BPIFB6: variants seen among roughly 807,000 people sequenced by gnomAD.
BPIFB6 encodes the protein BPI fold-containing family B member 6.
In BPIFB6, 47 loss-of-function variants were observed where a neutral mutation model predicts 54.7. That is an observed-to-expected ratio of 0.86 (90% confidence interval 0.68 to 1.10). The LOEUF (loss-of-function observed/expected upper bound fraction) is 1.10. Among genes scored for constraint, BPIFB6 ranks in the 50% least tolerant of loss-of-function variants. BPIFB6 has a pLI of 0.00. For synonymous variants in BPIFB6, 255 were observed against 225.9 expected, an observed-to-expected ratio of 1.13 and a Z score of -1.16; for missense variants, 603 against 564.1, an observed-to-expected ratio of 1.07 and a Z score of -0.70.
At chr20:33,033,244 G>A (rs1979182260) in intron 2 of BPIFB6, 161 bp downstream of exon 2, 2 of 694,922 alleles carry the variant, frequency 2.9e-6, no homozygotes, top group Admixed American at 4.1e-5. Flanking sequence ...GTAGGTCACT[G>A]CTCCTGCCTG....
chr20:33,042,122 G>C, intron 12 of BPIFB6, 107 bp downstream of exon 12: 2 of 1,179,656 alleles, frequency 1.7e-6, no homozygotes, highest in Non-Finnish European at 2.5e-6. Context: ...GATGAACAGA[G>C]CAAGGCCACT....
At chr20:33,037,072 A>C (rs141444876) in intron 7 of BPIFB6, among the ~76,000 whole-genome samples, 18 of 152,232 alleles carry the variant, frequency 1.2e-4, no homozygotes, top group African/African-American at 3.4e-4. Context: ...AGGGTCCTGC[A>C]GTGAGTTGGT....
rs1424626187 is a variant in BPIFB6, at chr20:33,035,251, C to T, written c.516+107C>T. ...GCTGACCCTGATTGACTGATAGTGG[C>T]TGGGAAGGGTTCTGAGACTGTGGCT... On this transcript the variant is annotated intron_variant, in intron 5 of 14. Transcript: ENST00000349552. The T allele has an allele frequency of 4.2e-6, 5 of 1,184,104 alleles. No homozygotes were observed. In the African/African-American group the frequency reaches 7.5e-5, roughly 18 times the overall value. 73.3% of individuals were successfully genotyped at this position (1,184,104 alleles called of 1,614,324 possible). A position where few individuals can be genotyped will look rare whatever the true frequency, so the allele number is the denominator to read the frequency against.
rs1600525267 is a variant in BPIFB6, at chr20:33,037,502, C to T, written c.670-60C>T. The T allele has an allele frequency of 7.3e-6, 11 of 1,512,430 alleles. No individual in the cohort carries two copies. The East Asian group carries it at 9.1e-5, about 13-fold the overall frequency. The allele number at this position is 1,512,430 out of a possible 1,614,324, so 93.7% of individuals were successfully genotyped here. ...GCCCCATTTGCTTGGAGGACTGAGACACTCCTGGCCAACATCCCTCTCGGC... is the reference window on the plus strand; with the variant it reads ...GCCCCATTTGCTTGGAGGACTGAGATACTCCTGGCCAACATCCCTCTCGGC... On this transcript the variant is annotated intron_variant, in intron 7 of 14. Transcript: ENST00000349552.
rs1180058598 is a variant in BPIFB6, at chr20:33,039,331, GTTCTGGT to G, written c.901-10_901-4del. On this transcript the variant is annotated splice_polypyrimidine_tract_variant and intron_variant, in intron 9 of 14. Transcript: ENST00000349552. The stretch of plus-strand genomic sequence containing the variant: ...TCTAAGGACTGGCCCTGAGTGAAGT[GTTCTGGT>G]TTCTGTAGGTGGCTGTAGCTTATCC... 3 of 1,601,488 alleles carry G rather than the reference GTTCTGGT, an allele frequency of 1.9e-6. No individual in the cohort carries two copies. Among genetic ancestry groups the G allele is most frequent in the Admixed American group, 1.7e-5 (1 of 57,324 alleles).
At chr20:33,035,723 G>C (rs372477634) in intron 6 of BPIFB6, 51 bp downstream of exon 6, 328 of 1,550,198 alleles carry the variant, frequency 2.1e-4, no homozygotes, top group Non-Finnish European at 2.6e-4. Context: ...TATCAGGATA[G>C]ATAGACTTTG....
chr20:33,035,537 C>T (rs1439621582), intron 5 of BPIFB6, 75 bp from the exon 6 acceptor site: 15 of 1,487,680 alleles, frequency 1.0e-5, no homozygotes, highest in Admixed American at 3.3e-5. Context: ...TGGGATGGCC[C>T]GTGGTGTACC....
At position 33,037,654 on chromosome 20, in the gene BPIFB6, G is replaced by T. The variant is rs201425357; in HGVS notation, c.762G>T (p.Ser254=). The change falls in exon 8 of 15, where the codon TCG becomes TCT. Residue 254 remains serine, a synonymous_variant. Coordinates refer to ENST00000349552, the MANE Select transcript of BPIFB6 (RefSeq NM_174897.2). Reference sequence around the variant, plus strand: ...CTGAGGGTTATGCCAAAGGCTCGTCGCAGCTGCTGCTCCCAGCCACCTTCC... The same window carrying T: ...CTGAGGGTTATGCCAAAGGCTCGTCTCAGCTGCTGCTCCCAGCCACCTTCC... ...TFPEGYAKGS[S]QLLLPATFLS... is the part of the protein sequence containing the mutation. The T allele has an allele frequency of 3.1e-6, 5 of 1,613,996 alleles. No individual in the cohort carries two copies. In the East Asian group the frequency reaches 6.7e-5, roughly 22 times the overall value.
intron 1 of BPIFB6, 46 bp downstream of exon 1, chr20:33,031,790 G>C: frequency 6.5e-7 from 1 of 1,542,914 alleles, no homozygotes; most frequent in Non-Finnish European, 8.9e-7. Flanking sequence ...GGCGGTGCTT[G>C]GGGTAGGTGG....
At position 33,041,986 on chromosome 20, in the gene BPIFB6, C is replaced by A. The variant is rs769917866; in HGVS notation, c.1159C>A (p.Arg387=). ...CCCCCACAGATTACTGAGCTTGTCC[C>A]GGAAGTCCTCATCGATTGGCAACTT... is the stretch of plus-strand genomic sequence containing the variant. ...TSLDRLLSLS[R]KSSSIGNFNE... The change falls in exon 12 of 15, where the codon CGG becomes AGG. Residue 387 remains arginine (R), a synonymous_variant. Transcript: ENST00000349552. The A allele has an allele frequency of 1.9e-6, 3 of 1,614,150 alleles. No individual in the cohort carries two copies. The highest frequency in any genetic ancestry group is 4.5e-5 in the East Asian group (2 of 44,872).
rs1380422082 is a variant in BPIFB6 at position 33,042,879 on chromosome 20, G to A, written c.1252+1G>A. On this transcript the variant is annotated splice_donor_variant, in intron 13 of 14. Coordinates refer to ENST00000349552, the MANE Select transcript of BPIFB6 (RefSeq NM_174897.2). LOFTEE classifies it high-confidence loss of function. ...GAAGCCTACATCCCAGTTGTCAATG[G>A]TGAGGGTTCCAAAAGGCTTTGGACC... The A allele has an allele frequency of 6.2e-6, 10 of 1,613,910 alleles. No homozygotes were observed. The highest frequency in any genetic ancestry group is 1.6e-4 in the Middle Eastern group (1 of 6,062).
chr20:33,034,389 G>T (rs1979241291), intron 3 of BPIFB6, 99 bp downstream of exon 3: 1 of 875,546 alleles, frequency 1.1e-6, no homozygotes, highest in Non-Finnish European at 1.9e-6. Flanking sequence ...CCATCTGAGT[G>T]TTGTAATCTG....
chr20:33,044,045 T>C lies in BPIFB6; in HGVS notation c.1360T>C (p.Ter454ArgextTer?). The C allele has an allele frequency of 6.2e-7, 1 of 1,614,200 alleles. No individual in the cohort carries two copies. The highest frequency in any genetic ancestry group is 8.5e-7 in the Non-Finnish European group (1 of 1,180,036). ...NALMLDLKLG* is the reference protein window; with the variant it reads ...NALMLDLKLGR ...CCTGATGCTGGACTTGAAGCTGGGCTGACCATGGCAGGACTCCCCTGCCAG... is the reference window on the plus strand; with the variant it reads ...CCTGATGCTGGACTTGAAGCTGGGCCGACCATGGCAGGACTCCCCTGCCAG... The change falls in exon 15 of 15, where the codon TGA (stop) becomes CGA (arginine). Residue 454 changes from the stop codon to arginine (R), a stop_lost. Coordinates refer to ENST00000349552, the MANE Select transcript of BPIFB6 (RefSeq NM_174897.2).
At chr20:33,033,228 C>T (rs1395382474) in intron 2 of BPIFB6, 145 bp downstream of exon 2, 1 of 719,732 alleles carries the variant, frequency 1.4e-6, no homozygotes, top group East Asian at 2.8e-5. Flanking sequence ...TGCTGTGTGG[C>T]CTTGGGTAGG....
Position 33,036,476 on chromosome 20 carries a change from CA to C in BPIFB6, c.612del (p.Lys204AsnfsTer4). 1 of 1,614,102 alleles carries C rather than the reference CA, an allele frequency of 6.2e-7. No homozygotes were observed. The highest frequency in any genetic ancestry group is 1.1e-5 in the South Asian group (1 of 91,062). ...TGCCTGTGGGCCAGATGGGCACCGTCAAATATGTTCTGATGTCCGCACCAGC... is the reference window on the plus strand; with the variant it reads ...TGCCTGTGGGCCAGATGGGCACCGTCAATATGTTCTGATGTCCGCACCAGC... Reference protein sequence around the residue: ...PMPVGQMGTVKYVLMSAPATT... With the variant: ...PMPVGQMGTVXYVLMSAPATT... On this transcript the variant is annotated frameshift_variant, in exon 7 of 15. Coordinates refer to ENST00000349552, the MANE Select transcript of BPIFB6 (RefSeq NM_174897.2). LOFTEE classifies it high-confidence loss of function.
intron 8 of BPIFB6, 94 bp from the exon 9 acceptor site, chr20:33,038,815 C>A (rs6057708): frequency 8.1e-7 from 1 of 1,234,358 alleles, no homozygotes; most frequent in Non-Finnish European, 1.2e-6. Context: ...TGAAGGGAGC[C>A]TCAAAGGGTA....
intron 3 of BPIFB6, among the ~76,000 whole-genome samples, chr20:33,034,545 C>T (rs1979245842): frequency 6.6e-6 from 1 of 152,140 alleles, no homozygotes; most frequent in South Asian, 2.1e-4. Context: ...GACAGCAAAG[C>T]AGATTTTAAA....
rs7265534 is a variant in BPIFB6 at position 33,037,887 on chromosome 20, C to T, written c.846+149C>T. The T allele has an allele frequency of 0.011, 9,021 of 804,030 alleles. 596 individuals carry two copies. The African/African-American group carries it at 0.14, about 13-fold the overall frequency. The allele number at this position is 804,030 out of a possible 1,614,324, so 49.8% of individuals were successfully genotyped here. A position where few individuals can be genotyped will look rare whatever the true frequency, so the allele number is the denominator to read the frequency against. Reference sequence around the variant, plus strand: ...CCGATTTGAGTTTCTCTCAGCAGTTCATCTCACTATCCACCATCCCTCTGT... The same window carrying T: ...CCGATTTGAGTTTCTCTCAGCAGTTTATCTCACTATCCACCATCCCTCTGT... On this transcript the variant is annotated intron_variant, in intron 8 of 14. Coordinates refer to ENST00000349552, the MANE Select transcript of BPIFB6 (RefSeq NM_174897.2).
rs368501349 is a variant in BPIFB6, at chr20:33,033,033, C to T, written c.147C>T (p.Ala49=). 3.7e-5 allele frequency: 59 copies of T among 1,614,016 alleles called. No homozygotes were observed. In the East Asian group the frequency reaches 4.0e-4, roughly 11 times the overall value. ...GTCATATCCTGGAGAAGATGGCAGC[C>T]GAGGCAGGCAAGAAACAGCCAGGGA... ...DESHILEKMA[A]EAGKKQPGMK... The change falls in exon 2 of 15, where the codon GCC becomes GCT. Residue 49 remains alanine, a synonymous_variant. Coordinates refer to ENST00000349552, the MANE Select transcript of BPIFB6 (RefSeq NM_174897.2).
Sources: allele counts gnomAD v4.1 joint callset (sites outside exome capture counted in the v4.1 genomes callset), GRCh38; gene constraint gnomAD v4.1.1; transcripts MANE v1.5; gene names NCBI Gene and HGNC (gene_info 2026-07-23, HGNC 2026-07-21).